CTNNA2: variants seen among roughly 807,000 people sequenced by gnomAD.
CTNNA2 encodes catenin alpha-2.
CTNNA2 carries 42 observed loss-of-function variants against 101.0 expected under a neutral mutation model. The ratio of observed to expected loss-of-function variants is 0.42; its 90% CI spans 0.32 to 0.54. The LOEUF is 0.54. CTNNA2 is among the 20% of genes least tolerant of loss of function. The probability of loss-of-function intolerance (pLI) is 0.14; values close to 1 mark genes in which losing one functional copy is unlikely to be tolerated. For missense variants in CTNNA2, 871 were observed against 1,223.1 expected, an observed-to-expected ratio of 0.71 and a Z score of 4.29; for synonymous variants, 450 against 456.4, an observed-to-expected ratio of 0.99 and a Z score of 0.18.
chr2:79,872,247 C>A (rs564334958), intron 5 of CTNNA2, among the ~76,000 whole-genome samples: 1 of 151,934 alleles, frequency 6.6e-6, no homozygotes, highest in East Asian at 1.9e-4. Flanking sequence ...TTTTTTCAAC[C>A]AATTCTTGGT....
At chr2:79,486,492 G>A (rs1479600098) in intron 4 of CTNNA2, among the ~76,000 whole-genome samples, 1 of 152,238 alleles carries the variant, frequency 6.6e-6, no homozygotes, top group South Asian at 2.1e-4. Context: ...CATTTGGGTT[G>A]GTTCCAAGTC....
At chr2:79,646,521 TGTC>T (rs1386396075) in intron 1 of CTNNA2, among the ~76,000 whole-genome samples, 9 of 141,684 alleles carry the variant, frequency 6.4e-5, no homozygotes, top group African/African-American at 1.1e-4. Flanking sequence ...CTTTTCTTTC[TGTC>T]TTTTTTTTTT....
At chr2:80,340,129 T>C (rs2149276763) in intron 7 of CTNNA2, among the ~76,000 whole-genome samples, 1 of 152,368 alleles carries the variant, frequency 6.6e-6, no homozygotes, top group African/African-American at 2.4e-5. Context: ...TCTTTATCAC[T>C]TGAAGTCAGG....
intron 7 of CTNNA2, among the ~76,000 whole-genome samples, chr2:80,104,443 A>G (rs901864351): frequency 6.6e-6 from 1 of 152,232 alleles, no homozygotes; most frequent in Non-Finnish European, 1.5e-5. Flanking sequence ...AAAATGCTAC[A>G]GAGAGTCTCT....
chr2:79,978,563 C>A lies in CTNNA2; in HGVS notation c.1056+68766C>A, dbSNP rs79675289. Among the ~76,000 whole-genome samples the A allele has an allele frequency of 2.1e-3, 324 of 152,194 alleles. 8 individuals are homozygous for A. The East Asian group carries it at 0.056, about 26-fold the overall frequency. ...TCACCAGTTGCCTTCATCTTTTAGT[C>A]CAGAATCAATAGACAATCCATTGTT... On this transcript the variant is annotated intron_variant, in intron 7 of 18. Coordinates refer to ENST00000402739, the MANE Select transcript of CTNNA2 (RefSeq NM_001282597.3).
chr2:80,647,794 A>T lies in CTNNA2; in HGVS notation c.2784A>T (p.Arg928=). 6.2e-7 allele frequency: 1 copy of T among 1,613,686 alleles called. No individual in the cohort carries two copies. The highest frequency in any genetic ancestry group is 8.5e-7 in the Non-Finnish European group (1 of 1,179,644). Residue 928 remains arginine (R), a synonymous_variant, in exon 19 of 19, where the codon CGA becomes CGT. Transcript: ENST00000402739. The part of the protein sequence containing the change: ...KREKPEEFQT[R]VRRGSQKKHI... ...AAAAGCCTGAAGAATTCCAGACACG[A>T]GTTCGACGAGGTTCTCAGAAGAAAC...
chr2:80,509,397 G>A (rs1433362539), intron 9 of CTNNA2, among the ~76,000 whole-genome samples: 1 of 152,160 alleles, frequency 6.6e-6, no homozygotes, highest in Non-Finnish European at 1.5e-5. Flanking sequence ...CTGAGGCCAG[G>A]ACAATGCTGA....
chr2:79,705,143 CACAA>C (rs1243939810), intron 2 of CTNNA2, among the ~76,000 whole-genome samples: 3 of 152,228 alleles, frequency 2.0e-5, no homozygotes, highest in East Asian at 1.9e-4. Flanking sequence ...CCCTGCTCCC[CACAA>C]ACAGAGTTAT....
intron 3 of CTNNA2, among the ~76,000 whole-genome samples, chr2:79,833,269 T>C (rs949246562): frequency 6.6e-6 from 1 of 152,246 alleles, no homozygotes; most frequent in Admixed American, 6.5e-5. Flanking sequence ...CTAGGCAAAA[T>C]AGTGAAGCAG....
chr2:79,772,438 TA>T (rs1278114312), intron 3 of CTNNA2, among the ~76,000 whole-genome samples: 2 of 152,200 alleles, frequency 1.3e-5, no homozygotes, highest in Non-Finnish European at 2.9e-5. Context: ...GATAGTGGTT[TA>T]ATTCCATCTC....
At chr2:80,210,662 C>T (rs928605343) in intron 7 of CTNNA2, among the ~76,000 whole-genome samples, 6 of 152,140 alleles carry the variant, frequency 3.9e-5, no homozygotes, top group Non-Finnish European at 5.9e-5. Flanking sequence ...TGAATAGTGC[C>T]GCAATAAACA....
Position 80,415,710 on chromosome 2 carries a change from C to A in CTNNA2, c.1138-3739C>A, listed in dbSNP as rs377095272. 2.6e-5 allele frequency among the ~76,000 whole-genome samples: 4 copies of A among 152,198 alleles called. No homozygotes were observed. The East Asian group carries it at 7.7e-4, about 29-fold the overall frequency. On this transcript the variant is annotated intron_variant, in intron 8 of 18. Coordinates refer to ENST00000402739, the MANE Select transcript of CTNNA2 (RefSeq NM_001282597.3). The stretch of plus-strand genomic sequence containing the variant: ...GAATCTGATGGAAATAAATCAATAT[C>A]TCAGAGATATCTGCACCCCTATGTT...
At chr2:80,525,848 C>G (rs1689989203) in intron 9 of CTNNA2, among the ~76,000 whole-genome samples, 1 of 152,108 alleles carries the variant, frequency 6.6e-6, no homozygotes, top group Non-Finnish European at 1.5e-5. Context: ...AATACGTGTG[C>G]CTGGGACCTG....
intron 7 of CTNNA2, among the ~76,000 whole-genome samples, chr2:80,264,030 C>T (rs151336813): frequency 1.6e-4 from 25 of 152,280 alleles, no homozygotes; most frequent in Non-Finnish European, 2.9e-4. Flanking sequence ...TTAATACACA[C>T]GTCCCTTAAT....
intron 7 of CTNNA2, among the ~76,000 whole-genome samples, chr2:79,931,414 T>C (rs1415876942): frequency 1.3e-5 from 2 of 152,184 alleles, no homozygotes; most frequent in African/African-American, 2.4e-5. Context: ...TTCTATTCTA[T>C]GCTTCTGTGA....
chr2:79,829,859 A>G lies in CTNNA2; in HGVS notation c.299-28154A>G, dbSNP rs1036174956. 2.0e-5 allele frequency among the ~76,000 whole-genome samples: 3 copies of G among 151,822 alleles called. No homozygotes were observed. The South Asian group carries it at 6.2e-4, about 32-fold the overall frequency. On this transcript the variant is annotated intron_variant, in intron 3 of 18. Coordinates refer to ENST00000402739, the MANE Select transcript of CTNNA2 (RefSeq NM_001282597.3). ...CTCAGCCTCCCGAGTAGCTGGGACT[A>G]CAGGCGCCTGCCACCACGCCCGGCT...
At chr2:79,614,013 C>T (rs2104225997) in intron 1 of CTNNA2, among the ~76,000 whole-genome samples, 1 of 152,282 alleles carries the variant, frequency 6.6e-6, no homozygotes, top group East Asian at 1.9e-4. Context: ...CAGTCTGACT[C>T]CACAGCCTGT....
chr2:80,500,927 T>C (rs1475126082), intron 9 of CTNNA2, among the ~76,000 whole-genome samples: 1 of 152,232 alleles, frequency 6.6e-6, no homozygotes, highest in Non-Finnish European at 1.5e-5. Context: ...ATGCAGTTTT[T>C]CTTCTTATTG....
At position 79,521,163 on chromosome 2, in the gene CTNNA2, T is replaced by TAA. The variant is rs1672100267; in HGVS notation, c.-6+7957_-6+7958insAA. 3.9e-4 allele frequency among the ~76,000 whole-genome samples: 38 copies of TAA among 96,474 alleles called. 2 individuals are homozygous for TAA. The highest frequency in any genetic ancestry group is 1.8e-3 in the African/African-American group (38 of 21,598). The allele number at this position is 96,474 out of a possible 152,430, so 63.3% of individuals were successfully genotyped here. A position where few individuals can be genotyped will look rare whatever the true frequency, so the allele number is the denominator to read the frequency against. ...ATATATATATATATATATATATATA[T>TAA]ATATAAATTTTAAGGTGCGCTATTT... On this transcript the variant is annotated intron_variant, in intron 1 of 18. Transcript: ENST00000402739.
Sources: allele counts gnomAD v4.1 joint callset (sites outside exome capture counted in the v4.1 genomes callset), GRCh38; gene constraint gnomAD v4.1.1; transcripts MANE v1.5; gene names NCBI Gene and HGNC (gene_info 2026-07-23, HGNC 2026-07-21).